Variants in RAD51B observed in about 807,000 individuals in gnomAD.
The protein encoded by RAD51B is DNA repair protein RAD51 homolog 2.
Under a neutral mutation model 42.2 loss-of-function variants are expected in RAD51B, and 38 were observed. That is an observed-to-expected ratio of 0.90 (90% CI 0.70 to 1.18). The LOEUF is 1.18. Ranked by LOEUF, RAD51B falls within the 50% of genes most tolerant of loss-of-function variation. The probability of loss-of-function intolerance (pLI) is 0.00; values close to 1 mark genes in which losing one functional copy is unlikely to be tolerated. For missense variants in RAD51B, 373 were observed against 400.7 expected (o/e 0.93, Z 0.59); for synonymous variants, 154 against 145.2 (o/e 1.06, Z -0.43).
chr14:68,131,060 A>G (rs980324085), intron 7 of RAD51B, among the ~76,000 whole-genome samples: 16 of 152,242 alleles, frequency 1.1e-4, no homozygotes, highest in African/African-American at 3.6e-4. Context: ...AAATTCCTTT[A>G]GAGCAGATTG....
At chr14:68,083,960 A>G (rs990353619) in intron 7 of RAD51B, among the ~76,000 whole-genome samples, 2 of 152,218 alleles carry the variant, frequency 1.3e-5, no homozygotes, top group African/African-American at 4.8e-5. Context: ...AACGTGAGAA[A>G]GAAACAATCT....
intron 4 of RAD51B, among the ~76,000 whole-genome samples, chr14:67,838,323 TAA>T (rs2041314226): frequency 6.6e-6 from 1 of 152,072 alleles, no homozygotes; most frequent in Non-Finnish European, 1.5e-5. Flanking sequence ...CATGTGGAGG[TAA>T]GAGAGAGCTA....
intron 7 of RAD51B, among the ~76,000 whole-genome samples, chr14:68,279,226 G>A (rs373676432): frequency 9.2e-5 from 14 of 152,334 alleles, no homozygotes; most frequent in East Asian, 5.8e-4. Flanking sequence ...AAGGAACACC[G>A]TGTTGTCAAT....
intron 10 of RAD51B, among the ~76,000 whole-genome samples, chr14:68,515,778 CTTTTTT>C (rs546071661): frequency 1.8e-5 from 2 of 113,398 alleles, no homozygotes; most frequent in Non-Finnish European, 3.6e-5. Context: ...CTTTTCTTTT[CTTTTTT>C]TTTTTTTTTT....
At chr14:68,031,207 A>G (rs779012720) in intron 7 of RAD51B, among the ~76,000 whole-genome samples, 1 of 152,226 alleles carries the variant, frequency 6.6e-6, no homozygotes, top group Non-Finnish European at 1.5e-5. Flanking sequence ...CATGTCTTAC[A>G]TGGATGGCAG....
intron 9 of RAD51B, among the ~76,000 whole-genome samples, chr14:68,446,193 G>T (rs2085416697): frequency 6.6e-6 from 1 of 152,182 alleles, no homozygotes; most frequent in Admixed American, 6.5e-5. Flanking sequence ...CAATAACACT[G>T]TGAAGTGGGT....
intron 11 of RAD51B, among the ~76,000 whole-genome samples, chr14:68,665,876 A>G (rs1893023686): frequency 6.6e-6 from 1 of 152,046 alleles, no homozygotes; most frequent in Non-Finnish European, 1.5e-5. Context: ...TTTACCCCCA[A>G]CTCAGGGTGA....
chr14:68,121,570 A>C (rs184008857), intron 7 of RAD51B, among the ~76,000 whole-genome samples: 1 of 152,268 alleles, frequency 6.6e-6, no homozygotes, highest in African/African-American at 2.4e-5. Flanking sequence ...CATTTCCATA[A>C]ACTTATTAAG....
chr14:68,072,306 T>C (rs1158902590), intron 7 of RAD51B, among the ~76,000 whole-genome samples: 3 of 150,450 alleles, frequency 2.0e-5, no homozygotes, highest in Non-Finnish European at 3.0e-5. Flanking sequence ...AGGAGTTTAT[T>C]AAGTATTAAC....
chr14:68,497,479 A>C, intron 10 of RAD51B: 1 of 1,064,440 alleles, frequency 9.4e-7, no homozygotes, highest in Non-Finnish European at 1.1e-6. Context: ...TTCGTGGAAC[A>C]CATAGGTTTT....
In RAD51B at chr14:68,425,979, C is replaced by CTTTCTTTCTTTCTTTCTTTCTTTCTTT. The variant is rs1555408046; in HGVS notation, c.957+14452_957+14453insTTTCTTTCTTTCTTTCTTTCTTTCTTT. ...TTCTTTCTTTCTTTCTTTCTTTCTT[C>CTTTCTTTCTTTCTTTCTTTCTTTCTTT]CTTCCTTCCTTCCTTCCTTCCTTCC... On this transcript the variant is annotated intron_variant, in intron 9 of 10. Transcript: ENST00000471583. 1.4e-4 allele frequency among the ~76,000 whole-genome samples: 8 copies of CTTTCTTTCTTTCTTTCTTTCTTTCTTT among 58,806 alleles called. No individual in the cohort carries two copies. In the East Asian group the frequency reaches 1.5e-3, roughly 11 times the overall value. The allele number at this position is 58,806 out of a possible 152,430, so 38.6% of individuals were successfully genotyped here. A position where few individuals can be genotyped will look rare whatever the true frequency, so the allele number is the denominator to read the frequency against.
chr14:68,251,200 T>TA (rs576162341), intron 7 of RAD51B, among the ~76,000 whole-genome samples: 13,845 of 146,130 alleles, frequency 0.095, 745 homozygotes, highest in Middle Eastern at 0.29. Context: ...AAGGAGGAAT[T>TA]AAAAAAAAAA....
At chr14:68,018,536 A>G (rs2075814002) in intron 7 of RAD51B, among the ~76,000 whole-genome samples, 1 of 152,210 alleles carries the variant, frequency 6.6e-6, no homozygotes, top group Admixed American at 6.5e-5. Context: ...TTTTAAATTA[A>G]TTCTCTATAT....
chr14:68,582,382 CG>C (rs1566944801), intron 10 of RAD51B, among the ~76,000 whole-genome samples: 1 of 152,166 alleles, frequency 6.6e-6, no homozygotes, highest in Non-Finnish European at 1.5e-5. Flanking sequence ...GACATTTATG[CG>C]GTCAACAAAC....
At chr14:68,179,285 C>T (rs1251262207) in intron 7 of RAD51B, among the ~76,000 whole-genome samples, 3 of 151,978 alleles carry the variant, frequency 2.0e-5, no homozygotes, top group Admixed American at 1.3e-4. Context: ...GCTCTGTTGT[C>T]TTTTCTTTTT....
At chr14:67,894,420 CTT>C (rs1455984677) in intron 7 of RAD51B, among the ~76,000 whole-genome samples, 2 of 152,164 alleles carry the variant, frequency 1.3e-5, no homozygotes, top group Non-Finnish European at 2.9e-5. Context: ...ATCTCAGACT[CTT>C]TTTGTCTTTC....
chr14:67,978,713 A>G (rs778948416), intron 7 of RAD51B, among the ~76,000 whole-genome samples: 11 of 152,188 alleles, frequency 7.2e-5, no homozygotes, highest in Non-Finnish European at 1.6e-4. Context: ...CCCTACTTTA[A>G]TATTTCTAAA....
chr14:68,477,626 C>CT (rs528099287), intron 10 of RAD51B, 22 bp from the exon 11 acceptor site: 82,275 of 1,223,926 alleles, frequency 0.067, no homozygotes, highest in South Asian at 0.074. Context: ...CAAACTTTCT[C>CT]TTTTTTTTTT....
intron 9 of RAD51B, among the ~76,000 whole-genome samples, chr14:68,443,791 AC>A (rs559107090): frequency 6.6e-5 from 10 of 151,944 alleles, no homozygotes; most frequent in Non-Finnish European, 1.5e-4. Context: ...TGAATAAGTC[AC>A]TTTTTCTCAA....
Sources: allele counts gnomAD v4.1 joint callset (sites outside exome capture counted in the v4.1 genomes callset), GRCh38; gene constraint gnomAD v4.1.1; transcripts MANE v1.5; gene names NCBI Gene and HGNC (gene_info 2026-07-23, HGNC 2026-07-21).